Variants in NPAS3 observed in about 807,000 individuals in gnomAD.
The protein encoded by NPAS3 is neuronal PAS domain protein 3.
Under a neutral mutation model 73.1 loss-of-function variants are expected in NPAS3, and 14 were observed. The observed-to-expected ratio is 0.19, with a 90% CI of 0.13 to 0.30. The LOEUF (loss-of-function observed/expected upper bound fraction) is 0.30, where lower values mean the gene tolerates loss of function less well. Among genes scored for constraint, NPAS3 ranks in the 10% least tolerant of loss-of-function variants. The probability of loss-of-function intolerance (pLI) is 1.00; values close to 1 mark genes in which losing one functional copy is unlikely to be tolerated. For missense variants in NPAS3, 1,096 were observed against 1,250.0 expected (o/e 0.88, Z 1.86); for synonymous variants, 620 against 541.5 (o/e 1.14, Z -2.01).
intron 5 of NPAS3, among the ~76,000 whole-genome samples, chr14:33,615,891 G>A (rs543909808): frequency 3.3e-5 from 5 of 152,242 alleles, no homozygotes; most frequent in African/African-American, 1.2e-4. Flanking sequence ...AGGCAAAAAT[G>A]TTGCCCTATT....
intron 2 of NPAS3, among the ~76,000 whole-genome samples, chr14:33,082,007 G>A (rs950684996): frequency 1.2e-4 from 19 of 152,272 alleles, no homozygotes; most frequent in Admixed American, 5.9e-4. Flanking sequence ...AATTGTCCTC[G>A]ATGATTGGTC....
At chr14:33,344,256 T>A (rs1006172877) in intron 3 of NPAS3, among the ~76,000 whole-genome samples, 1 of 152,198 alleles carries the variant, frequency 6.6e-6, no homozygotes, top group Non-Finnish European at 1.5e-5. Context: ...AGATGTTGAA[T>A]TAAAAAATGA....
chr14:33,047,389 A>G (rs1383088755), intron 1 of NPAS3, among the ~76,000 whole-genome samples: 1 of 152,146 alleles, frequency 6.6e-6, no homozygotes, highest in Non-Finnish European at 1.5e-5. Flanking sequence ...CCTCCTCAGG[A>G]CAGGAGCTGT....
At chr14:33,362,765 C>T (rs778399293) in intron 3 of NPAS3, among the ~76,000 whole-genome samples, 4 of 152,148 alleles carry the variant, frequency 2.6e-5, no homozygotes, top group Non-Finnish European at 5.9e-5. Flanking sequence ...CCCGTGATGC[C>T]GTACTGCCCT....
intron 3 of NPAS3, among the ~76,000 whole-genome samples, chr14:33,331,081 G>A (rs1279344365): frequency 4.6e-5 from 7 of 152,096 alleles, no homozygotes; most frequent in African/African-American, 9.7e-5. Flanking sequence ...AGTGAGCTGC[G>A]ATTTATAATA....
At chr14:33,201,275 C>G (rs181065397) in intron 2 of NPAS3, among the ~76,000 whole-genome samples, 83 of 129,554 alleles carry the variant, frequency 6.4e-4, no homozygotes, top group African/African-American at 2.2e-3. Context: ...ATATAAAATT[C>G]ACTCCCCTTC....
At chr14:33,257,891 C>A (rs1398698569) in intron 3 of NPAS3, among the ~76,000 whole-genome samples, 1 of 152,120 alleles carries the variant, frequency 6.6e-6, no homozygotes, top group African/African-American at 2.4e-5. Flanking sequence ...ATAAAGTAAT[C>A]ATTTTAGATT....
At chr14:33,271,073 C>T (rs2041053909) in intron 3 of NPAS3, among the ~76,000 whole-genome samples, 1 of 152,172 alleles carries the variant, frequency 6.6e-6, no homozygotes, top group Admixed American at 6.5e-5. Context: ...GAGAAACCGT[C>T]TGTTTGTGTG....
downstream of NPAS3, chr14:33,803,315 T>C (rs546641022): frequency 2.9e-4 from 44 of 152,360 alleles, no homozygotes; most frequent in African/African-American, 1.0e-3. Context: ...ACTTGTGCAA[T>C]GCTAATATAG....
chr14:33,458,819 A>G (rs1213086849), intron 4 of NPAS3, among the ~76,000 whole-genome samples: 1 of 152,220 alleles, frequency 6.6e-6, no homozygotes, highest in East Asian at 1.9e-4. Context: ...ATTATTACAT[A>G]CGAGAGTTTT....
chr14:33,455,517 A>G (rs1001204454), intron 4 of NPAS3, among the ~76,000 whole-genome samples: 6 of 152,232 alleles, frequency 3.9e-5, no homozygotes, highest in African/African-American at 1.4e-4. Flanking sequence ...CATGTGCTGT[A>G]TGTTGACCCA....
rs35319622 is a variant in NPAS3 at position 33,761,509 on chromosome 14, G to GA, written c.853-12815dup. Among the ~76,000 whole-genome samples the GA allele has an allele frequency of 4.2e-3, 565 of 134,796 alleles. 2 individuals carry two copies. The highest frequency in any genetic ancestry group is 6.6e-3 in the Admixed American group (89 of 13,386). The allele number at this position is 134,796 out of a possible 152,430, so 88.4% of individuals were successfully genotyped here. On this transcript the variant is annotated intron_variant, in intron 7 of 11. Transcript: ENST00000356141. ...AGGGGACTTCAAACATTCCCCAGAAGAAAAAAAAAAAAAGAGTATAGCACA... is the reference window on the plus strand; with the variant it reads ...AGGGGACTTCAAACATTCCCCAGAAGAAAAAAAAAAAAAAGAGTATAGCACA...
intron 10 of NPAS3, among the ~76,000 whole-genome samples, chr14:33,795,642 T>C (rs1333372229): frequency 1.3e-5 from 2 of 152,186 alleles, no homozygotes; most frequent in Non-Finnish European, 2.9e-5. Context: ...ACTGAAGTCA[T>C]CTATGTAGTT....
At chr14:33,030,645 C>A (rs1161350743) in intron 1 of NPAS3, among the ~76,000 whole-genome samples, 1 of 152,000 alleles carries the variant, frequency 6.6e-6, no homozygotes, top group Non-Finnish European at 1.5e-5. Flanking sequence ...TCACTCTGGA[C>A]AACAAGATAC....
At chr14:33,155,273 C>T (rs1566617931) in intron 2 of NPAS3, among the ~76,000 whole-genome samples, 1 of 152,176 alleles carries the variant, frequency 6.6e-6, no homozygotes, top group Non-Finnish European at 1.5e-5. Flanking sequence ...TATTTAGAGC[C>T]AGTTCAGACA....
intron 2 of NPAS3, among the ~76,000 whole-genome samples, chr14:33,190,941 T>G (rs144762663): frequency 3.1e-4 from 47 of 152,346 alleles, no homozygotes; most frequent in African/African-American, 7.7e-4. Context: ...ATTTTTGTTA[T>G]GAAGATAATA....
In NPAS3 at chr14:33,507,543, G is replaced by T. The variant is rs560996282; in HGVS notation, c.469-52578G>T. Among the ~76,000 whole-genome samples, 161 of 151,936 alleles carry T rather than the reference G, an allele frequency of 1.1e-3. 1 individual carries two copies. The highest frequency in any genetic ancestry group is 3.2e-3 in the Admixed American group (49 of 15,246). On this transcript the variant is annotated intron_variant, in intron 4 of 11. Transcript: ENST00000356141. ...TGTTGTTCTTTCCCAAGCATAGTAA[G>T]GTTATTCTTTTTATTATATAACTAG...
At chr14:33,023,346 C>T (rs2039677441) in intron 1 of NPAS3, among the ~76,000 whole-genome samples, 1 of 152,046 alleles carries the variant, frequency 6.6e-6, no homozygotes, top group South Asian at 2.1e-4. Flanking sequence ...CAATGCTGAC[C>T]CATGACATCA....
chr14:33,430,257 T>C (rs987113757), intron 4 of NPAS3, among the ~76,000 whole-genome samples: 1 of 152,152 alleles, frequency 6.6e-6, no homozygotes, highest in African/African-American at 2.4e-5. Context: ...TCCCCCATTC[T>C]TCTTTTCCTC....
Sources: allele counts gnomAD v4.1 joint callset (sites outside exome capture counted in the v4.1 genomes callset), GRCh38; gene constraint gnomAD v4.1.1; transcripts MANE v1.5; gene names NCBI Gene and HGNC (gene_info 2026-07-23, HGNC 2026-07-21).